The following MRI1 variants were observed in gnomAD, a reference collection of about 807,000 sequenced individuals.
The protein encoded by MRI1 is methylthioribose-1-phosphate isomerase.
Under a neutral mutation model 27.3 loss-of-function variants are expected in MRI1, and 32 were observed. The observed-to-expected ratio is 1.17, with a 90% CI of 0.88 to 1.57. The LOEUF (loss-of-function observed/expected upper bound fraction) is 1.57. MRI1 is among the 40% of genes most tolerant of loss of function. The pLI, the probability that MRI1 is intolerant of heterozygous loss-of-function variation, is 0.00. For missense variants in MRI1, 508 were observed against 516.1 expected (o/e 0.98, Z 0.15); for synonymous variants, 216 against 227.4 (o/e 0.95, Z 0.45).
intron 3 of MRI1, among the ~76,000 whole-genome samples, chr19:13,767,102 AGT>A (rs1974154733): frequency 7.9e-6 from 1 of 127,044 alleles, no homozygotes; most frequent in South Asian, 2.6e-4. Context: ...AGGCTGGTGC[AGT>A]GGCATGATCT....
At position 13,768,649 on chromosome 19, in the gene MRI1, G is replaced by A. The variant is rs770656872; in HGVS notation, c.636G>A (p.Thr212=). Residue 212 remains threonine, a synonymous_variant, in exon 4 of 6, where the codon ACG becomes ACA. Transcript: ENST00000040663. ...CCTACAACCAGGGAGCCCGGCTGAC[G>A]GCCTTTGAGCTGGTCTATGAGCAGA... The part of the protein sequence containing the change: ...TRPYNQGARL[T]AFELVYEQIP... The A allele has an allele frequency of 1.3e-5, 21 of 1,613,764 alleles. No individual in the cohort carries two copies. The highest frequency in any genetic ancestry group is 2.7e-5 in the African/African-American group (2 of 74,946).
intron 5 of MRI1, among the ~76,000 whole-genome samples, chr19:13,771,887 T>C (rs1974275521): frequency 6.6e-6 from 1 of 152,064 alleles, no homozygotes; most frequent in South Asian, 2.1e-4. Context: ...GTGGCATAGA[T>C]GTGTATAGGA....
At chr19:13,767,061 T>C (rs1974152996) in intron 3 of MRI1, among the ~76,000 whole-genome samples, 1 of 105,904 alleles carries the variant, frequency 9.4e-6, no homozygotes, top group African/African-American at 3.7e-5. Flanking sequence ...TTTTTTTTTT[T>C]TTTTTGAGAC....
In MRI1 at chr19:13,764,541, G is replaced by A. The variant is rs1974058916; in HGVS notation, c.-48G>A. 6.3e-7 allele frequency: 1 copy of A among 1,590,662 alleles called. No individual in the cohort carries two copies. The highest frequency in any genetic ancestry group is 1.3e-5 in the African/African-American group (1 of 74,316). Reference sequence around the variant, plus strand: ...GGCCCCGCCCCGCTCCCAAGTGCGCGCGGACCCCTAGCTCCCTCTGAGTTG... The same window carrying A: ...GGCCCCGCCCCGCTCCCAAGTGCGCACGGACCCCTAGCTCCCTCTGAGTTG... On this transcript the variant is annotated 5_prime_UTR_variant, in exon 1 of 6. Transcript: ENST00000040663.
intron 3 of MRI1, among the ~76,000 whole-genome samples, chr19:13,767,394 C>T (rs1974160934): frequency 1.3e-5 from 2 of 151,944 alleles, no homozygotes; most frequent in Admixed American, 1.3e-4. Context: ...ATAGCTAGTC[C>T]CATGTAAATA....
At chr19:13,766,343 C>G (rs1489228556) in intron 3 of MRI1, among the ~76,000 whole-genome samples, 1 of 152,194 alleles carries the variant, frequency 6.6e-6, no homozygotes, top group African/African-American at 2.4e-5. Flanking sequence ...TGCTTCAGCT[C>G]TGCCCTCCTT....
At chr19:13,766,221 A>G in intron 3 of MRI1, 92 bp downstream of exon 3, 1 of 1,275,350 alleles carries the variant, frequency 7.8e-7, no homozygotes, top group South Asian at 1.6e-5. Context: ...CACTTTATCC[A>G]CAAAAAAAAT....
chr19:13,764,648 G>A lies in MRI1; in HGVS notation c.60G>A (p.Leu20=), dbSNP rs150577856. 5.0e-5 allele frequency: 81 copies of A among 1,606,510 alleles called. No individual in the cohort carries two copies. In the African/African-American group the frequency reaches 9.0e-4, roughly 18 times the overall value. The change falls in exon 1 of 6, where the codon CTG becomes CTA. Residue 20 remains leucine (L), a synonymous_variant. Transcript: ENST00000040663. ...CCCTGCAGATCCTAGACCAGCTGCT[G>A]CTGCCCAAGCAGAGCCGCTACGAGG... ...RGSLQILDQL[L]LPKQSRYEAV... is the part of the protein sequence containing the mutation.
chr19:13,772,239 C>T lies in MRI1; in HGVS notation c.1068C>T (p.Thr356=). 1 of 1,614,102 alleles carries T rather than the reference C, an allele frequency of 6.2e-7. No individual in the cohort carries two copies. Among genetic ancestry groups the T allele is most frequent in the Non-Finnish European group, 8.5e-7 (1 of 1,179,996 alleles). Residue 356 remains threonine (T), a synonymous_variant, in exon 6 of 6, where the codon ACC becomes ACT. Transcript: ENST00000040663. Reference sequence around the variant, plus strand: ...AGCTCCGGACAGCCCTAACCACCACCATCTCTTCCAGGGATGGAACCCTAG... The same window carrying T: ...AGCTCCGGACAGCCCTAACCACCACTATCTCTTCCAGGGATGGAACCCTAG... The part of the protein sequence containing the change: ...PEELRTALTT[T]ISSRDGTLDG...
rs1379590629 is a variant in MRI1 at position 13,772,848 on chromosome 19, A to C, written c.*567A>C. On this transcript the variant is annotated 3_prime_UTR_variant, in exon 6 of 6. Coordinates refer to ENST00000040663, the MANE Select transcript of MRI1 (RefSeq NM_001031727.4). ...GTCTCAAAAATAAATATAATTAATT[A>C]ATTATTTAATTAAAAAAATAAAAAA... 6.6e-6 allele frequency: 1 copy of C among 151,486 alleles called. No homozygotes were observed. Among genetic ancestry groups the C allele is most frequent in the African/African-American group, 2.4e-5 (1 of 41,148 alleles). 9.4% of individuals were successfully genotyped at this position (151,486 alleles called of 1,614,324 possible).
rs551664067 is a variant in MRI1 at position 13,766,027 on chromosome 19, C to T, written c.445C>T (p.Arg149Cys). 29 of 1,613,102 alleles carry T rather than the reference C, an allele frequency of 1.8e-5. No individual in the cohort carries two copies. The highest frequency in any genetic ancestry group is 1.3e-4 in the Admixed American group (8 of 59,924). ...CCGAAGCATTGGGGACCTAGGAGCC[C>T]GCCACCTCCTGGAGCGGGTGGCCCC... ...DNRSIGDLGA[R>C]HLLERVAPSG... The change falls in exon 3 of 6, where the codon CGC becomes TGC. Residue 149 changes from arginine (R) to cysteine (C), a missense_variant. By Grantham distance (180) the Arg-to-Cys change is radical (BLOSUM62 -3). Around this residue, in one of 3 missense-constraint regions of MRI1, gnomAD observed 457 missense variants for 452.8 expected, o/e 1.01. Transcript: ENST00000040663.
Position 13,768,622 on chromosome 19 carries a change from G to A in MRI1, c.609G>A (p.Arg203=). 1.9e-6 allele frequency: 3 copies of A among 1,613,276 alleles called. No homozygotes were observed. Among genetic ancestry groups the A allele is most frequent in the African/African-American group, 2.7e-5 (2 of 75,046 alleles). The change falls in exon 4 of 6, where the codon CGG becomes CGA. Residue 203 remains arginine (R), a synonymous_variant. Coordinates refer to ENST00000040663, the MANE Select transcript of MRI1 (RefSeq NM_001031727.4). The stretch of plus-strand genomic sequence containing the variant: ...AGCATGCCTTCTGCACAGAGACCCG[G>A]CCCTACAACCAGGGAGCCCGGCTGA... ...RLEHAFCTET[R]PYNQGARLTA... is the part of the protein sequence containing the mutation.
intron 3 of MRI1, among the ~76,000 whole-genome samples, chr19:13,767,861 CTTTTTTTTTTTT>C (rs1170108927): frequency 1.6e-5 from 1 of 61,076 alleles, no homozygotes; most frequent in Non-Finnish European, 2.8e-5. Context: ...TCTTTCTTTC[CTTTTTTTTTTTT>C]TTTTTTTTTT....
chr19:13,768,830 T>C lies in MRI1; in HGVS notation c.731T>C (p.Val244Ala). 6.2e-7 allele frequency: 1 copy of C among 1,604,736 alleles called. No individual in the cohort carries two copies. Among genetic ancestry groups the C allele is most frequent in the Non-Finnish European group, 8.5e-7 (1 of 1,173,670 alleles). Residue 244 changes from valine (V) to alanine (A), a missense_variant, in exon 5 of 6, where the codon GTC (valine) becomes GCC (alanine). Val to Ala is a moderately conservative substitution (Grantham distance 64). Around this residue, in one of 3 missense-constraint regions of MRI1, gnomAD observed 457 missense variants for 452.8 expected, o/e 1.01. Transcript: ENST00000040663. The part of the protein sequence containing the change: ...AMAHRGVSAV[V>A]VGADRVVANG... ...TCATACGCCCCCTCCCCAGCTGTGG[T>C]CGTGGGAGCTGACCGCGTGGTTGCC...
Position 13,765,041 on chromosome 19 carries a change from C to T in MRI1, c.303C>T (p.Arg101=), listed in dbSNP as rs1039842122. The T allele has an allele frequency of 8.5e-6, 13 of 1,525,480 alleles. No homozygotes were observed. The Admixed American group carries it at 2.2e-4, about 26-fold the overall frequency. The allele number at this position is 1,525,480 out of a possible 1,614,324, so 94.5% of individuals were successfully genotyped here. ...CTGTCAACATGGCCCGCGCCGCCCG[C>T]GACCTGGCTGATGTTGCAGCCCGGG... ...PTAVNMARAA[R]DLADVAAREA... is the part of the protein sequence containing the mutation. Residue 101 remains arginine (R), a synonymous_variant, in exon 2 of 6, where the codon CGC becomes CGT. Transcript: ENST00000040663.
chr19:13,767,037 A>ATATT (rs1974149223), intron 3 of MRI1, among the ~76,000 whole-genome samples: 10 of 21,128 alleles, frequency 4.7e-4, no homozygotes, highest in African/African-American at 1.2e-3. Context: ...ATATATATAT[A>ATATT]TTTTTTTTTT....
At position 13,764,559 on chromosome 19, in the gene MRI1, C is replaced by CT; in HGVS notation, c.-29dup. The CT allele has an allele frequency of 6.2e-7, 1 of 1,601,258 alleles. No homozygotes were observed. Among genetic ancestry groups the CT allele is most frequent in the Admixed American group, 1.7e-5 (1 of 59,652 alleles). On this transcript the variant is annotated 5_prime_UTR_variant, in exon 1 of 6. Coordinates refer to ENST00000040663, the MANE Select transcript of MRI1 (RefSeq NM_001031727.4). Reference sequence around the variant, plus strand: ...AGTGCGCGCGGACCCCTAGCTCCCTCTGAGTTGCGCTGGGCTTGGCTGCTG... The same window carrying CT: ...AGTGCGCGCGGACCCCTAGCTCCCTCTTGAGTTGCGCTGGGCTTGGCTGCTG...
intron 5 of MRI1, among the ~76,000 whole-genome samples, chr19:13,769,350 G>C (rs1974221845): frequency 6.6e-6 from 1 of 151,946 alleles, no homozygotes; most frequent in Non-Finnish European, 1.5e-5. Flanking sequence ...TTTTAGTAGA[G>C]ATGAGGTTTC....
Position 13,769,061 on chromosome 19 carries a change from C to T in MRI1, c.949+13C>T, listed in dbSNP as rs758132927. On this transcript the variant is annotated intron_variant, in intron 5 of 5. Transcript: ENST00000040663. ...ATTGCAGCACCTGGTAAGCTGCCCC[C>T]TCAGAAAGGGGACACCCCAGCTCCT... 1.8e-5 allele frequency: 28 copies of T among 1,592,166 alleles called. No homozygotes were observed. The African/African-American group carries it at 3.5e-4, about 20-fold the overall frequency.
Sources: gnomAD v4.1 joint callset for allele counts (sites outside exome capture counted in the v4.1 genomes callset) on GRCh38, gnomAD v4.1.1 for gene constraint, gnomAD v4.1.1 regional missense constraint, MANE v1.5 for transcripts, NCBI Gene and HGNC (gene_info 2026-07-23, HGNC 2026-07-21) for gene names.